The following DIS3L2 variants were observed in gnomAD, a reference collection of about 807,000 sequenced individuals.
DIS3L2 encodes DIS3 like 3'-5' exoribonuclease 2, also known as DIS3-like exonuclease 2.
A neutral mutation model predicts 97.5 loss-of-function variants in DIS3L2; 34 were observed. The ratio of observed to expected loss-of-function variants is 0.35; its 90% CI spans 0.27 to 0.46. The LOEUF is 0.46. DIS3L2 is among the 20% of genes least tolerant of loss of function. DIS3L2 has a pLI of 1.00. For missense variants in DIS3L2, 1,038 were observed against 1,146.0 expected, an observed-to-expected ratio of 0.91 and a Z score of 1.36; for synonymous variants, 435 against 445.2, an observed-to-expected ratio of 0.98 and a Z score of 0.29.
rs1694985734 is a variant in DIS3L2, at chr2:232,037,591, A to AG, written c.366+7511_366+7512insG. On this transcript the variant is annotated intron_variant, in intron 5 of 20. Transcript: ENST00000325385. This position sits in a 1 kb window ranked among gnomAD's most constrained non-coding sequence, Gnocchi z 4.6. ...AGGAGTCACTGGGGTACGAAAAAAA[A>AG]CTCCTGCAGCTAGCTCGGTGTCTGC... Among the ~76,000 whole-genome samples, 4 of 151,292 alleles carry AG rather than the reference A, an allele frequency of 2.6e-5. No homozygotes were observed. In the South Asian group the frequency reaches 8.5e-4, roughly 32 times the overall value.
In DIS3L2 at chr2:232,087,476, G is replaced by A; in HGVS notation, c.367-11G>A. On this transcript the variant is annotated splice_polypyrimidine_tract_variant and intron_variant, in intron 5 of 20. Coordinates refer to ENST00000325385, the MANE Select transcript of DIS3L2 (RefSeq NM_152383.5). ...CTCAGTGATTTAGCAGAATTTTTCT[G>A]TTTTCTTTAGGTAGTTAAACCAGAG... 1 of 1,535,200 alleles carries A rather than the reference G, an allele frequency of 6.5e-7. No individual in the cohort carries two copies. The highest frequency in any genetic ancestry group is 8.8e-7 in the Non-Finnish European group (1 of 1,136,430).
chr2:232,067,652 G>C (rs1395864542), intron 5 of DIS3L2, among the ~76,000 whole-genome samples: 2 of 152,138 alleles, frequency 1.3e-5, no homozygotes, highest in Non-Finnish European at 2.9e-5. Flanking sequence ...ACAGCTGCTT[G>C]CATTGTTCAG....
At chr2:232,342,096 CTGTGTGTGTG>C (rs59097449), downstream of DIS3L2, among the ~76,000 whole-genome samples, 22,114 of 149,694 alleles carry the variant, frequency 0.15, 2,698 homozygotes, top group African/African-American at 0.34. Flanking sequence ...CATCAGTAGG[CTGTGTGTGTG>C]TGTGTGTGTG....
rs1559221650 is a variant in DIS3L2, at chr2:232,336,505, C to G, written c.2533C>G (p.Gln845Glu). The G allele has an allele frequency of 1.2e-6, 2 of 1,611,414 alleles. No individual in the cohort carries two copies. Among genetic ancestry groups the G allele is most frequent in the South Asian group, 2.2e-5 (2 of 90,940 alleles). The change falls in exon 21 of 21, where the codon CAG (glutamine) becomes GAG (glutamate). Residue 845 changes from glutamine to glutamate, a missense_variant. Gln to Glu is a conservative substitution (Grantham distance 29, BLOSUM62 2). Transcript: ENST00000325385. ...TIFSLVEVVL[Q>E]AESTALKYSA... The stretch of plus-strand genomic sequence containing the variant: ...CTTCAGCCTGGTGGAGGTGGTCCTG[C>G]AGGCAGAGTCCACAGCCCTCAAGTA...
intron 6 of DIS3L2, among the ~76,000 whole-genome samples, chr2:232,110,342 G>A (rs1290683670): frequency 2.6e-5 from 4 of 152,134 alleles, no homozygotes; most frequent in Non-Finnish European, 5.9e-5. Flanking sequence ...CTCATTACTT[G>A]ATATATACCC....
chr2:232,089,245 G>A (rs1022412858), intron 6 of DIS3L2, among the ~76,000 whole-genome samples: 7 of 152,216 alleles, frequency 4.6e-5, no homozygotes, highest in South Asian at 2.1e-4. Context: ...CTTCTTGACT[G>A]AAGAGGCTAC....
intron 1 of DIS3L2, among the ~76,000 whole-genome samples, chr2:231,989,531 C>A (rs758999871): frequency 1.3e-5 from 2 of 151,922 alleles, no homozygotes; most frequent in African/African-American, 4.8e-5. Flanking sequence ...TCTCCCCAAA[C>A]GGTAATTAAG....
intron 16 of DIS3L2, chr2:232,332,048 ACCAGGGCTGTC>A (rs1370481363): frequency 1.3e-5 from 2 of 152,274 alleles, no homozygotes; most frequent in East Asian, 3.9e-4. Flanking sequence ...GCATCAGGAC[ACCAGGGCTGTC>A]CGAGGGCTGT....
Position 232,263,406 on chromosome 2 carries a change from A to T in DIS3L2, c.1625A>T (p.Gln542Leu), listed in dbSNP as rs752428121. The change falls in exon 13 of 21, where the codon CAG becomes CTG. Residue 542 changes from glutamine to leucine, a missense_variant. Coordinates refer to ENST00000325385, the MANE Select transcript of DIS3L2 (RefSeq NM_152383.5). ...LHGIAKQLRQ[Q>L]RFVDGALRLD... ...GGAATTGCCAAGCAGTTACGCCAGCAGCGCTTTGTGGACGGCGCACTTCGT... is the reference window on the plus strand; with the variant it reads ...GGAATTGCCAAGCAGTTACGCCAGCTGCGCTTTGTGGACGGCGCACTTCGT... 1.2e-6 allele frequency: 2 copies of T among 1,614,172 alleles called. No homozygotes were observed. Among genetic ancestry groups the T allele is most frequent in the Non-Finnish European group, 1.7e-6 (2 of 1,180,046 alleles).
At chr2:232,188,208 C>T (rs551322355) in intron 9 of DIS3L2, among the ~76,000 whole-genome samples, 3 of 152,224 alleles carry the variant, frequency 2.0e-5, no homozygotes, top group Non-Finnish European at 2.9e-5. Flanking sequence ...AAAGTGTTTC[C>T]CCTCTGTGCA....
intron 13 of DIS3L2, among the ~76,000 whole-genome samples, chr2:232,299,448 G>A (rs554523046): frequency 5.9e-5 from 9 of 152,106 alleles, no homozygotes; most frequent in Non-Finnish European, 1.2e-4. Flanking sequence ...ATCTATCAGC[G>A]CCCAACTTCA....
intron 10 of DIS3L2, 133 bp downstream of exon 10, chr2:232,210,538 A>G: frequency 1.4e-6 from 1 of 738,498 alleles, no homozygotes; most frequent in Non-Finnish European, 2.4e-6. Context: ...AACTTGCCAT[A>G]GGCCTCTGAG....
At chr2:232,254,130 G>A (rs1370209314) in intron 12 of DIS3L2, among the ~76,000 whole-genome samples, 2 of 152,126 alleles carry the variant, frequency 1.3e-5, no homozygotes, top group Admixed American at 6.6e-5. Context: ...ATGCCTTGGT[G>A]TCATTCTGAA....
chr2:232,126,516 CA>C (rs1698068089), intron 6 of DIS3L2, among the ~76,000 whole-genome samples: 1 of 152,158 alleles, frequency 6.6e-6, no homozygotes, highest in African/African-American at 2.4e-5. Flanking sequence ...GTCCAGCTAT[CA>C]AATCCACATT....
chr2:231,977,085 TA>T (rs1447462451), intron 1 of DIS3L2, among the ~76,000 whole-genome samples: 1 of 152,138 alleles, frequency 6.6e-6, no homozygotes, highest in African/African-American at 2.4e-5. Flanking sequence ...TTTTTTATAA[TA>T]AAGTGTTGAA....
chr2:232,322,656 A>G (rs953509573), intron 14 of DIS3L2, among the ~76,000 whole-genome samples: 3 of 152,160 alleles, frequency 2.0e-5, no homozygotes, highest in African/African-American at 4.8e-5. Flanking sequence ...CACACGTTCA[A>G]ACTTGCAGCA....
At chr2:232,189,151 G>T (rs1245156309) in intron 9 of DIS3L2, among the ~76,000 whole-genome samples, 1 of 152,068 alleles carries the variant, frequency 6.6e-6, no homozygotes, top group Non-Finnish European at 1.5e-5. Context: ...ATGTAAAATG[G>T]CACAACCACT....
intron 9 of DIS3L2, among the ~76,000 whole-genome samples, chr2:232,204,895 G>A (rs1050015426): frequency 6.6e-5 from 10 of 152,148 alleles, no homozygotes; most frequent in Non-Finnish European, 1.2e-4. Flanking sequence ...TCGTAATTGC[G>A]GTGATGACAA....
At chr2:232,182,544 A>T (rs1392462707) in intron 9 of DIS3L2, among the ~76,000 whole-genome samples, 1 of 152,106 alleles carries the variant, frequency 6.6e-6, no homozygotes, top group Non-Finnish European at 1.5e-5. Flanking sequence ...GTTGAATTCT[A>T]CATTTCTCCC....
Sources: gnomAD v4.1 joint callset for allele counts (sites outside exome capture counted in the v4.1 genomes callset) on GRCh38, gnomAD v4.1.1 for gene constraint, Gnocchi (gnomAD v3.1) non-coding constraint, MANE v1.5 for transcripts, NCBI Gene and HGNC (gene_info 2026-07-23, HGNC 2026-07-21) for gene names.